Variants in CIITA observed in about 807,000 individuals in gnomAD.
CIITA encodes the protein MHC class II transactivator.
Under a neutral mutation model 115.1 loss-of-function variants are expected in CIITA, and 72 were observed. That is an observed-to-expected ratio of 0.63 (90% CI 0.52 to 0.76). The LOEUF (loss-of-function observed/expected upper bound fraction) is 0.76. Ranked by LOEUF, CIITA falls within the 30% of genes least tolerant of loss-of-function variation. The probability of loss-of-function intolerance (pLI) is 0.00; values close to 1 mark genes in which losing one functional copy is unlikely to be tolerated. For synonymous variants in CIITA, 763 were observed against 635.6 expected (o/e 1.20, Z -3.02); for missense variants, 1,617 against 1,463.8 (o/e 1.10, Z -1.71).
chr16:10,918,508 C>A lies in CIITA; in HGVS notation c.3131C>A (p.Ala1044Glu). ...GCCGAGGCCCTGCCTTCGCTCGCTGCATCCCTGCTCAGGCTAAGGTGAGTG... is the reference window on the plus strand; with the variant it reads ...GCCGAGGCCCTGCCTTCGCTCGCTGAATCCCTGCTCAGGCTAAGGTGAGTG... ...KLAEALPSLA[A>E]SLLRLSLYNN... is the part of the protein sequence containing the mutation. The change falls in exon 16 of 20, where the codon GCA becomes GAA. Residue 1044 changes from alanine (A) to glutamate (E), a missense_variant. By Grantham distance (107) the Ala-to-Glu change is moderately radical. Transcript: ENST00000324288. The A allele has an allele frequency of 6.2e-7, 1 of 1,614,168 alleles. No homozygotes were observed.
intron 13 of CIITA, among the ~76,000 whole-genome samples, chr16:10,910,795 G>A (rs1465233895): frequency 3.3e-5 from 5 of 152,196 alleles, no homozygotes; most frequent in African/African-American, 7.2e-5. Flanking sequence ...ACTGCACAAC[G>A]TCCCTTGTGC....
intron 1 of CIITA, among the ~76,000 whole-genome samples, chr16:10,869,569 G>A (rs1411390763): frequency 1.3e-5 from 2 of 151,122 alleles, no homozygotes; most frequent in Non-Finnish European, 2.9e-5. Flanking sequence ...CCAGCCTGGA[G>A]TGCAGTGGTG....
In CIITA at chr16:10,928,187, G is replaced by C. The variant is rs563790269; in HGVS notation, c.*4332G>C. The C allele has an allele frequency of 6.6e-6, 1 of 152,332 alleles. No individual in the cohort carries two copies. The highest frequency in any genetic ancestry group is 1.9e-4 in the East Asian group (1 of 5,182). 9.4% of individuals were successfully genotyped at this position (152,332 alleles called of 1,614,324 possible). ...CCTCGCCTGTAGAAAGGGGTCAATC[G>C]TTTGAACCCTGCTTCACTTGGTGTG... On this transcript the variant is annotated 3_prime_UTR_variant, in exon 20 of 20. Transcript: ENST00000324288.
upstream of CIITA, among the ~76,000 whole-genome samples, chr16:10,876,944 C>T (rs1427222754): frequency 1.3e-5 from 2 of 152,210 alleles, no homozygotes; most frequent in African/African-American, 2.4e-5. Context: ...CATTTCTGAA[C>T]GTCAGACTGT....
chr16:10,904,226 A>G (rs2038982500), intron 9 of CIITA, among the ~76,000 whole-genome samples: 1 of 152,062 alleles, frequency 6.6e-6, no homozygotes, highest in South Asian at 2.1e-4. Flanking sequence ...TTATTTTATT[A>G]TTTATTTATT....
intron 1 of CIITA, among the ~76,000 whole-genome samples, chr16:10,881,317 A>G (rs927210429): frequency 6.6e-6 from 1 of 152,128 alleles, no homozygotes; most frequent in Admixed American, 6.6e-5. Context: ...AAGAGAGAGA[A>G]AAAAGTCAGA....
rs182902271 is a variant in CIITA, at chr16:10,871,122, C to T, written c.-21+4803C>T. Reference sequence around the variant, plus strand: ...GGTATGACTTTGAGCACTTCCCGGGCGCCCCGCCTCAGTTTCCCCATCTAT... The same window carrying T: ...GGTATGACTTTGAGCACTTCCCGGGTGCCCCGCCTCAGTTTCCCCATCTAT... On this transcript the variant is annotated intron_variant, in intron 1 of 5. Transcript: ENST00000636238. Among the ~76,000 whole-genome samples, 45 of 152,332 alleles carry T rather than the reference C, an allele frequency of 3.0e-4. No individual in the cohort carries two copies. In the East Asian group the frequency reaches 5.0e-3, roughly 17 times the overall value.
downstream of CIITA, chr16:10,939,392 C>T (rs1453376166): frequency 6.6e-6 from 1 of 152,294 alleles, no homozygotes; most frequent in Non-Finnish European, 1.5e-5. This position sits in a 1 kb window ranked among gnomAD's most constrained non-coding sequence, Gnocchi z 4.9. Flanking sequence ...CTTCCAATGG[C>T]TTTCCACTGC....
At chr16:10,911,153 A>C (rs1274767736) in intron 13 of CIITA, among the ~76,000 whole-genome samples, 1 of 152,194 alleles carries the variant, frequency 6.6e-6, no homozygotes, top group East Asian at 1.9e-4. Context: ...CCAAGAAAGC[A>C]CAATAATTAT....
chr16:10,876,972 G>C (rs529686787), upstream of CIITA, among the ~76,000 whole-genome samples: 44 of 152,328 alleles, frequency 2.9e-4, no homozygotes, highest in African/African-American at 1.0e-3. Flanking sequence ...TCCCCCAACA[G>C]ACTTTCTGTG....
At position 10,907,152 on chromosome 16, in the gene CIITA, G is replaced by A; in HGVS notation, c.1660G>A (p.Val554Ile). 6.2e-7 allele frequency: 1 copy of A among 1,612,724 alleles called. No individual in the cohort carries two copies. Among genetic ancestry groups the A allele is most frequent in the Non-Finnish European group, 8.5e-7 (1 of 1,179,800 alleles). Reference protein sequence around the residue: ...LLTARPRGRLVQSLSKADALF... With the variant: ...LLTARPRGRLIQSLSKADALF... ...CACAGCCCGGCCCCGGGGCCGCCTG[G>A]TCCAGAGCCTGAGCAAGGCCGACGC... Residue 554 changes from valine to isoleucine, a missense_variant, in exon 11 of 20, where the codon GTC becomes ATC. Physicochemically the swap from Val to Ile is conservative, Grantham distance 29 (BLOSUM62 3). Coordinates refer to ENST00000324288, the MANE Select transcript of CIITA (RefSeq NM_000246.4). The surrounding 1 kb of genome is among the most constrained non-coding windows in gnomAD (Gnocchi z 5.0).
chr16:10,942,118 C>A lies in CIITA; in HGVS notation n.1244C>A. ...CATCCAGGGGTACCCTGGAGCCCGA[C>A]AGAAGCAGGGCCGGGCTCCAGATGT... On this transcript the variant is annotated non_coding_transcript_exon_variant, in exon 2 of 2. Coordinates refer to the CIITA transcript ENST00000573379. The surrounding 1 kb of genome is among the most constrained non-coding windows in gnomAD (Gnocchi z 5.0). 3 of 785,582 alleles carry A rather than the reference C, an allele frequency of 3.8e-6. No individual in the cohort carries two copies. Among genetic ancestry groups the A allele is most frequent in the Non-Finnish European group, 3.6e-6 (2 of 554,334 alleles). 48.7% of individuals were successfully genotyped at this position (785,582 alleles called of 1,614,324 possible). A position where few individuals can be genotyped will look rare whatever the true frequency, so the allele number is the denominator to read the frequency against.
intron 1 of CIITA, 107 bp downstream of exon 1, chr16:10,877,489 G>T: frequency 8.7e-7 from 1 of 1,154,960 alleles, no homozygotes; most frequent in Non-Finnish European, 1.3e-6. Context: ...GGTGAGGATG[G>T]GAACAGGAGT....
At position 10,929,054 on chromosome 16, in the gene CIITA, A is replaced by C. The variant is rs1482695331; in HGVS notation, c.*5199A>C. The C allele has an allele frequency of 1.1e-5, 3 of 273,786 alleles. No individual in the cohort carries two copies. The highest frequency in any genetic ancestry group is 6.5e-5 in the Admixed American group (1 of 15,398). 17.0% of individuals were successfully genotyped at this position (273,786 alleles called of 1,614,324 possible). On this transcript the variant is annotated 3_prime_UTR_variant, in exon 20 of 20. Coordinates refer to ENST00000324288, the MANE Select transcript of CIITA (RefSeq NM_000246.4). The surrounding 1 kb of genome is among the most constrained non-coding windows in gnomAD (Gnocchi z 4.3). ...CACCAGCATGATGTCTGTTTTGCCA[A>C]CTTGCTGAAGAACGAGTAACCTGAA...
At chr16:10,888,134 C>T (rs188980217) in intron 1 of CIITA, among the ~76,000 whole-genome samples, 1 of 152,264 alleles carries the variant, frequency 6.6e-6, no homozygotes, top group African/African-American at 2.4e-5. Flanking sequence ...GCATATTGTA[C>T]TCACCATGCA....
chr16:10,899,316 G>A (rs114468598), intron 5 of CIITA, among the ~76,000 whole-genome samples: 124 of 152,178 alleles, frequency 8.1e-4, no homozygotes, highest in African/African-American at 2.7e-3. Flanking sequence ...TTCAAGCCTC[G>A]GGGCCTTTGC....
intron 1 of CIITA, among the ~76,000 whole-genome samples, chr16:10,866,743 G>A (rs887425764): frequency 1.3e-5 from 2 of 152,220 alleles, no homozygotes; most frequent in Admixed American, 1.3e-4. Flanking sequence ...CTGTTGCTGG[G>A]TGTGCTGGAG....
At chr16:10,891,620 G>A (rs2037592260) in intron 1 of CIITA, among the ~76,000 whole-genome samples, 1 of 152,184 alleles carries the variant, frequency 6.6e-6, no homozygotes, top group African/African-American at 2.4e-5. Context: ...TTGCTGCAAT[G>A]TAGGTTCTTA....
Position 10,909,093 on chromosome 16 carries a change from C to T in CIITA, c.2722C>T (p.Leu908Phe), listed in dbSNP as rs150610082. 14 of 1,614,038 alleles carry T rather than the reference C, an allele frequency of 8.7e-6. No individual in the cohort carries two copies. The highest frequency in any genetic ancestry group is 1.2e-5 in the Non-Finnish European group (14 of 1,179,998). ...GCAGCAGCATGGGGAGACCAAGCTA[C>T]TTCAGGCAGCAGAGGAGAAGTTCAC... ...SLQQHGETKL[L>F]QAAEEKFTIE... The change falls in exon 12 of 20, where the codon CTT becomes TTT. Residue 908 changes from leucine (L) to phenylalanine (F), a missense_variant. Coordinates refer to ENST00000324288, the MANE Select transcript of CIITA (RefSeq NM_000246.4).
Sources: gnomAD v4.1 joint callset for allele counts (sites outside exome capture counted in the v4.1 genomes callset) on GRCh38, gnomAD v4.1.1 for gene constraint, Gnocchi (gnomAD v3.1) non-coding constraint, MANE v1.5 for transcripts, NCBI Gene and HGNC (gene_info 2026-07-23, HGNC 2026-07-21) for gene names.